Variants in WDR4 observed in about 807,000 individuals in gnomAD.
The protein encoded by WDR4 is tRNA (guanine-N(7)-)-methyltransferase non-catalytic subunit WDR4.
Under a neutral mutation model 48.6 loss-of-function variants are expected in WDR4, and 47 were observed. The ratio of observed to expected loss-of-function variants is 0.97; its 90% CI spans 0.77 to 1.23. WDR4 has a LOEUF of 1.23. WDR4 is among the 50% of genes most tolerant of loss of function. The pLI is 0.00. For synonymous variants in WDR4, 268 were observed against 230.0 expected, an observed-to-expected ratio of 1.17 and a Z score of -1.49; for missense variants, 606 against 551.6, an observed-to-expected ratio of 1.10 and a Z score of -0.99.
At chr21:42,849,026 CCT>C (rs1342332552), downstream of WDR4, among the ~76,000 whole-genome samples, 3 of 144,446 alleles carry the variant, frequency 2.1e-5, no homozygotes, top group Non-Finnish European at 4.5e-5. Flanking sequence ...ACACCGCGCA[CCT>C]CACACACACA....
At chr21:42,874,244 A>T (rs2058436893) in intron 2 of WDR4, among the ~76,000 whole-genome samples, 1 of 152,228 alleles carries the variant, frequency 6.6e-6, no homozygotes, top group Non-Finnish European at 1.5e-5. Context: ...TGAAGATTTC[A>T]TAGACACTTA....
chr21:42,860,417 G>A (rs186285418), intron 5 of WDR4, among the ~76,000 whole-genome samples: 14 of 152,336 alleles, frequency 9.2e-5, no homozygotes, highest in Admixed American at 2.6e-4. Flanking sequence ...ATCTTGGCTC[G>A]GGCACCTACA....
chr21:42,872,898 T>C (rs7277200), intron 3 of WDR4, among the ~76,000 whole-genome samples: 40 of 151,410 alleles, frequency 2.6e-4, no homozygotes, highest in African/African-American at 9.7e-4. Context: ...GATCGCGCCA[T>C]TGCACTCCAG....
upstream of WDR4, among the ~76,000 whole-genome samples, chr21:42,880,396 G>C (rs1198403296): frequency 3.9e-5 from 6 of 152,070 alleles, no homozygotes; most frequent in African/African-American, 1.4e-4. Flanking sequence ...TGGCTTGTCC[G>C]GTGCAGCTCC....
At chr21:42,883,387 A>T (rs76415908), upstream of WDR4, among the ~76,000 whole-genome samples, 1 of 150,636 alleles carries the variant, frequency 6.6e-6, no homozygotes, top group Admixed American at 6.6e-5. Context: ...TAAAAAAAAA[A>T]TTGTGTAAAA....
chr21:42,879,250 G>T, intron 1 of WDR4, 157 bp downstream of exon 1: 1 of 1,363,046 alleles, frequency 7.3e-7, no homozygotes. Context: ...GACGCGGCCA[G>T]GCCGAGACTG....
chr21:42,850,391 G>C, intron 10 of WDR4, 149 bp from the exon 11 acceptor site: 1 of 632,922 alleles, frequency 1.6e-6, no homozygotes, highest in Non-Finnish European at 2.6e-6. Context: ...GGCTCCCCAC[G>C]GTGCCCACCT....
rs61729418 is a variant in WDR4 at position 42,863,593 on chromosome 21, G to A, written c.300C>T (p.Thr100=). 3.2e-3 allele frequency: 5,190 copies of A among 1,611,778 alleles called. 101 individuals carry two copies. In the African/African-American group the frequency reaches 0.05, roughly 16 times the overall value. ...TCAGGGCTGTACACCTCCTTGCCACGGTCCTAGAAGGCCAGAAAGACACCC... is the reference window on the plus strand; with the variant it reads ...TCAGGGCTGTACACCTCCTTGCCACAGTCCTAGAAGGCCAGAAAGACACCC... The part of the protein sequence containing the change: ...TKPWQCLSVR[T]VARRCTALTF... Residue 100 remains threonine, a synonymous_variant, in exon 4 of 11, where the codon ACC becomes ACT. Coordinates refer to ENST00000398208, the MANE Select transcript of WDR4 (RefSeq NM_018669.6).
chr21:42,843,659 C>T (rs913086939), intron 11 of WDR4, among the ~76,000 whole-genome samples: 4 of 151,912 alleles, frequency 2.6e-5, no homozygotes, highest in South Asian at 2.1e-4. Flanking sequence ...CTGCAACCTC[C>T]GCCTCCCAGG....
rs1569335272 is a variant in WDR4, at chr21:42,873,666, T to C, written c.181A>G (p.Ser61Gly). ...KGEDAPLDQGSGAILASTFSK... is the reference protein window; with the variant it reads ...KGEDAPLDQGGGAILASTFSK... The stretch of plus-strand genomic sequence containing the variant: ...AAGGTGGACGCCAGAATCGCACCGC[T>C]CCCCTGGTCCAAGGGCGCGTCCTCC... Residue 61 changes from serine (S) to glycine (G), a missense_variant, in exon 3 of 11, where the codon AGC (serine) becomes GGC (glycine). Transcript: ENST00000398208. 6.2e-7 allele frequency: 1 copy of C among 1,614,010 alleles called. No individual in the cohort carries two copies. The highest frequency in any genetic ancestry group is 1.1e-5 in the South Asian group (1 of 91,066).
At chr21:42,886,402 G>C in the WDR4 span, among the ~76,000 whole-genome samples, 1 of 152,172 alleles carries the variant, frequency 6.6e-6, no homozygotes, top group Non-Finnish European at 1.5e-5. Context: ...CAAAAAAATA[G>C]GCGATTTTGC....
upstream of WDR4, among the ~76,000 whole-genome samples, chr21:42,882,530 C>A (rs1368600088): frequency 2.6e-5 from 4 of 151,694 alleles, no homozygotes; most frequent in African/African-American, 7.3e-5. Flanking sequence ...CCATTGCATT[C>A]CAGCCTGGGC....
At chr21:42,882,141 C>T (rs1211439889), upstream of WDR4, among the ~76,000 whole-genome samples, 1 of 151,564 alleles carries the variant, frequency 6.6e-6, no homozygotes, top group African/African-American at 2.4e-5. Context: ...GTGATCTGCC[C>T]GCCTCGGCCT....
chr21:42,891,328 A>AG, the WDR4 span, among the ~76,000 whole-genome samples: 1 of 121,104 alleles, frequency 8.3e-6, no homozygotes, highest in African/African-American at 3.2e-5. Context: ...ATTCTGTCTC[A>AG]AAAAAAAAAA....
At chr21:42,869,009 C>CGG (rs562006424) in intron 3 of WDR4, among the ~76,000 whole-genome samples, 3 of 152,192 alleles carry the variant, frequency 2.0e-5, no homozygotes, top group Non-Finnish European at 1.5e-5. Flanking sequence ...ACTGCCCTGG[C>CGG]GGGGGGGAAC....
intron 2 of WDR4, among the ~76,000 whole-genome samples, chr21:42,875,847 C>T (rs8130157): frequency 0.6 from 90,820 of 151,190 alleles, 28,050 homozygotes; most frequent in African/African-American, 0.71. Context: ...TCAACCATTA[C>T]TTCAAGGAGC....
At chr21:42,864,662 G>A (rs747596541) in intron 3 of WDR4, among the ~76,000 whole-genome samples, 10 of 152,104 alleles carry the variant, frequency 6.6e-5, no homozygotes, top group Non-Finnish European at 1.3e-4. Context: ...TCCGGATGCA[G>A]CACGTTTGCA....
At chr21:42,876,921 C>T (rs1004769896) in intron 1 of WDR4, among the ~76,000 whole-genome samples, 154 bp from the exon 2 acceptor site, 23 of 152,000 alleles carry the variant, frequency 1.5e-4, no homozygotes, top group African/African-American at 4.3e-4. Context: ...CAGGTTCAAA[C>T]GATTCTCCTG....
chr21:42,863,528 T>C lies in WDR4; in HGVS notation c.365A>G (p.Lys122Arg), dbSNP rs575674943. ...ASEEKVLVAD[K>R]SGDVYSFSVL... is the part of the protein sequence containing the mutation. ...CGAAAAGGAGTAGACGTCTCCAGAC[T>C]TGTCGGCCACCAAGACCTTCTCCTC... The change falls in exon 4 of 11, where the codon AAG (lysine) becomes AGG (arginine). Residue 122 changes from lysine (K) to arginine (R), a missense_variant. Coordinates refer to ENST00000398208, the MANE Select transcript of WDR4 (RefSeq NM_018669.6). 1.1e-4 allele frequency: 183 copies of C among 1,613,954 alleles called. 4 individuals are homozygous for C. The South Asian group carries it at 1.9e-3, about 17-fold the overall frequency.
Sources: allele counts gnomAD v4.1 joint callset (sites outside exome capture counted in the v4.1 genomes callset), GRCh38; gene constraint gnomAD v4.1.1; transcripts MANE v1.5; gene names NCBI Gene and HGNC (gene_info 2026-07-23, HGNC 2026-07-21).